Variants in RBM25 observed in about 807,000 individuals in gnomAD.
RBM25 encodes RNA-binding protein 25.
A neutral mutation model predicts 120.7 loss-of-function variants in RBM25; 19 were observed. The observed-to-expected ratio is 0.16, with a 90% CI of 0.11 to 0.23. The LOEUF (loss-of-function observed/expected upper bound fraction) is 0.23, where lower values mean the gene tolerates loss of function less well. RBM25 is among the 10% of genes least tolerant of loss of function. RBM25 has a pLI of 1.00. For missense variants in RBM25, 605 were observed against 1,041.5 expected, an observed-to-expected ratio of 0.58 and a Z score of 5.77; for synonymous variants, 390 against 326.7, an observed-to-expected ratio of 1.19 and a Z score of -2.09.
chr14:73,088,576 T>C (rs960675632), intron 6 of RBM25: 2 of 354,910 alleles, frequency 5.6e-6, no homozygotes, highest in Non-Finnish European at 1.1e-5. Context: ...TTACTTGCCT[T>C]AGGTTGGGGG....
intron 5 of RBM25, among the ~76,000 whole-genome samples, chr14:73,086,330 C>T (rs1039882157): frequency 1.3e-5 from 2 of 151,550 alleles, no homozygotes; most frequent in African/African-American, 4.8e-5. Flanking sequence ...CTGAGCTACT[C>T]AGGAGGCTGA....
intron 18 of RBM25, among the ~76,000 whole-genome samples, chr14:73,116,169 G>T (rs1896423207): frequency 6.6e-6 from 1 of 152,148 alleles, no homozygotes; most frequent in African/African-American, 2.4e-5. Context: ...GAAGTGCCGG[G>T]GCTCTAGGAG....
At chr14:73,070,955 A>G (rs1895273966) in intron 1 of RBM25, among the ~76,000 whole-genome samples, 1 of 150,936 alleles carries the variant, frequency 6.6e-6, no homozygotes, top group South Asian at 2.1e-4. Flanking sequence ...CAAAAAAAAA[A>G]AAAAGGCCAG....
intron 3 of RBM25, 144 bp downstream of exon 3, chr14:73,076,512 T>A (rs1895426960): frequency 2.8e-6 from 2 of 717,816 alleles, no homozygotes; most frequent in South Asian, 3.7e-5. Context: ...GCATATCATT[T>A]ATTTGAATAA....
At chr14:73,087,456 C>A (rs951546282) in intron 5 of RBM25, among the ~76,000 whole-genome samples, 1 of 148,982 alleles carries the variant, frequency 6.7e-6, no homozygotes, top group African/African-American at 2.5e-5. Flanking sequence ...ACTGCAGTGG[C>A]GCTATCTCGG....
At chr14:73,064,593 C>T (rs1480410562) in intron 1 of RBM25, among the ~76,000 whole-genome samples, 1 of 151,174 alleles carries the variant, frequency 6.6e-6, no homozygotes, top group Non-Finnish European at 1.5e-5. Flanking sequence ...CGGGCTTTCA[C>T]CATGTTGGCC....
intron 9 of RBM25, chr14:73,101,765 TTC>T (rs1195003957): frequency 2.6e-5 from 4 of 152,168 alleles, no homozygotes; most frequent in African/African-American, 7.2e-5. Flanking sequence ...ATAAACAAAT[TTC>T]TTTATAAGTG....
chr14:73,083,417 T>A, intron 4 of RBM25, 77 bp from the exon 5 acceptor site: 1 of 1,157,412 alleles, frequency 8.6e-7, no homozygotes, highest in Non-Finnish European at 1.2e-6. Flanking sequence ...CTAGTAGAAA[T>A]ATAATTTTGC....
intron 12 of RBM25, 92 bp from the exon 13 acceptor site, chr14:73,107,734 C>A: frequency 1.1e-6 from 1 of 914,458 alleles, no homozygotes; most frequent in Non-Finnish European, 1.7e-6. Context: ...TGGTTTATGT[C>A]TGGGTCAGAA....
intron 10 of RBM25, among the ~76,000 whole-genome samples, chr14:73,105,126 CT>C (rs34862161): frequency 0.14 from 15,211 of 109,422 alleles, 1,314 homozygotes; most frequent in East Asian, 0.4. Context: ...GGTTTTATTA[CT>C]TTTTTTTTTT....
chr14:73,105,798 A>C, intron 10 of RBM25, 61 bp from the exon 11 acceptor site: 5 of 1,579,848 alleles, frequency 3.2e-6, no homozygotes, highest in Non-Finnish European at 4.3e-6. Context: ...GTCCTCCTTT[A>C]CTTTGGTCTT....
rs745487346 is a variant in RBM25 at position 73,110,940 on chromosome 14, T to C, written c.1802T>C (p.Met601Thr). The change falls in exon 15 of 19, where the codon ATG becomes ACG. Residue 601 changes from methionine to threonine, a missense_variant. Physicochemically the swap from Met to Thr is moderately conservative, Grantham distance 81 (BLOSUM62 -1). Around this residue, in one of 4 missense-constraint regions of RBM25, gnomAD observed 465 missense variants for 741.6 expected, o/e 0.63. Coordinates refer to ENST00000261973, the MANE Select transcript of RBM25 (RefSeq NM_021239.3). ...AAAGAAGAAAAACGAGAAGAACCCA[T>C]GGAAGAGGAAGAGGAGCCAGAGCAA... ...QEKEEKREEPMEEEEEPEQKP... is the reference protein window; with the variant it reads ...QEKEEKREEPTEEEEEPEQKP... The C allele has an allele frequency of 3.1e-6, 5 of 1,612,306 alleles. No individual in the cohort carries two copies. The highest frequency in any genetic ancestry group is 1.7e-5 in the Admixed American group (1 of 59,598).
chr14:73,119,825 T>A lies in RBM25; in HGVS notation c.*20T>A. ...AAGTAAAACTTTTTATATTTAGAGTTCCATTTCAGATTTCTTCTTTGCCAC... is the reference window on the plus strand; with the variant it reads ...AAGTAAAACTTTTTATATTTAGAGTACCATTTCAGATTTCTTCTTTGCCAC... On this transcript the variant is annotated 3_prime_UTR_variant, in exon 19 of 19. Transcript: ENST00000261973. 1 of 1,591,670 alleles carries A rather than the reference T, an allele frequency of 6.3e-7. No homozygotes were observed. Among genetic ancestry groups the A allele is most frequent in the Non-Finnish European group, 8.5e-7 (1 of 1,174,570 alleles).
At chr14:73,080,792 A>G (rs1305276943) in intron 4 of RBM25, among the ~76,000 whole-genome samples, 2 of 144,208 alleles carry the variant, frequency 1.4e-5, no homozygotes, top group Non-Finnish European at 1.5e-5. Flanking sequence ...CTATGATTGT[A>G]TTTTCTTTCT....
At chr14:73,090,062 T>C (rs1319577228) in intron 6 of RBM25, among the ~76,000 whole-genome samples, 3 of 150,366 alleles carry the variant, frequency 2.0e-5, no homozygotes, top group African/African-American at 7.3e-5. Context: ...ACCCCCCCTC[T>C]TTTTTTTTGA....
chr14:73,114,410 T>TG, intron 18 of RBM25, 77 bp downstream of exon 18: 1 of 1,090,330 alleles, frequency 9.2e-7, no homozygotes, highest in South Asian at 1.5e-5. Flanking sequence ...AAAATATAGA[T>TG]GGGGTCTCAC....
In RBM25 at chr14:73,112,140, T is replaced by A. The variant is rs1423813990; in HGVS notation, c.2293-12T>A. The A allele has an allele frequency of 6.3e-7, 1 of 1,587,618 alleles. No individual in the cohort carries two copies. On this transcript the variant is annotated splice_polypyrimidine_tract_variant and intron_variant, in intron 16 of 18. Transcript: ENST00000261973. ...CAATTCTTTAATTCAGTAACCGTGGTTTGTTTTGCAGATACTGATGGAACG... is the reference window on the plus strand; with the variant it reads ...CAATTCTTTAATTCAGTAACCGTGGATTGTTTTGCAGATACTGATGGAACG...
At chr14:73,081,014 G>A (rs1341335205) in intron 4 of RBM25, among the ~76,000 whole-genome samples, 1 of 151,616 alleles carries the variant, frequency 6.6e-6, no homozygotes. Context: ...CAGTAGAGAC[G>A]GGGTTTCACC....
At chr14:73,093,296 G>C (rs976208255) in intron 6 of RBM25, among the ~76,000 whole-genome samples, 1 of 152,200 alleles carries the variant, frequency 6.6e-6, no homozygotes, top group Non-Finnish European at 1.5e-5. Context: ...TTTTTTAAAA[G>C]GTTCGTACTT....
Sources: gnomAD v4.1 joint callset for allele counts (sites outside exome capture counted in the v4.1 genomes callset) on GRCh38, gnomAD v4.1.1 for gene constraint, gnomAD v4.1.1 regional missense constraint, MANE v1.5 for transcripts, NCBI Gene and HGNC (gene_info 2026-07-23, HGNC 2026-07-21) for gene names.